Variants in HEATR5A observed in about 807,000 individuals in gnomAD.
HEATR5A encodes HEAT repeat-containing protein 5A.
In HEATR5A, 178 loss-of-function variants were observed where a neutral mutation model predicts 218.8. The observed-to-expected ratio is 0.81, with a 90% confidence interval of 0.72 to 0.92. The LOEUF is 0.92. Among genes scored for constraint, HEATR5A ranks in the 40% least tolerant of loss-of-function variants. The pLI is 0.00. For missense variants in HEATR5A, 2,420 were observed against 2,418.9 expected (o/e 1.00, Z -0.01); for synonymous variants, 864 against 871.6 (o/e 0.99, Z 0.15).
chr14:31,309,399 C>T (rs550653613), intron 28 of HEATR5A, among the ~76,000 whole-genome samples: 17 of 152,270 alleles, frequency 1.1e-4, no homozygotes, highest in Middle Eastern at 3.4e-3. Flanking sequence ...ATCACATATA[C>T]ATATGTACTT....
At chr14:31,404,460 A>T (rs1232560974) in intron 1 of HEATR5A, among the ~76,000 whole-genome samples, 1 of 152,172 alleles carries the variant, frequency 6.6e-6, no homozygotes, top group Non-Finnish European at 1.5e-5. Flanking sequence ...CCTGTTTGAA[A>T]TTACTTAGAA....
At chr14:31,329,295 G>T in intron 22 of HEATR5A, among the ~76,000 whole-genome samples, 1 of 152,102 alleles carries the variant, frequency 6.6e-6, no homozygotes, top group East Asian at 1.9e-4. Flanking sequence ...ATTCATTTCA[G>T]CATTAACTCA....
chr14:31,320,583 TA>T, intron 25 of HEATR5A: 1 of 786,770 alleles, frequency 1.3e-6, no homozygotes, highest in South Asian at 1.3e-5. Flanking sequence ...AGACCCCTGG[TA>T]CAACAGCAGA....
At chr14:31,348,652 T>C (rs1325307010) in intron 18 of HEATR5A, among the ~76,000 whole-genome samples, 4 of 152,190 alleles carry the variant, frequency 2.6e-5, no homozygotes, top group Non-Finnish European at 4.4e-5. Context: ...TGTGTGCTCA[T>C]TTAAGTGGTT....
intron 11 of HEATR5A, among the ~76,000 whole-genome samples, chr14:31,378,322 G>A (rs1033877232): frequency 3.9e-5 from 6 of 152,236 alleles, no homozygotes; most frequent in Non-Finnish European, 7.3e-5. Flanking sequence ...ATGCTGAAAT[G>A]TGACTTTCAC....
chr14:31,401,867 T>C (rs2030890571), intron 2 of HEATR5A, among the ~76,000 whole-genome samples: 2 of 152,212 alleles, frequency 1.3e-5, no homozygotes, highest in South Asian at 2.1e-4. Flanking sequence ...CGTATATAAA[T>C]GTTAATAACA....
At chr14:31,302,824 G>T in intron 32 of HEATR5A, 1 of 293,394 alleles carries the variant, frequency 3.4e-6, no homozygotes, top group South Asian at 4.0e-5. Context: ...CTTTTACTGT[G>T]GTAAAATATA....
chr14:31,387,899 A>G (rs2139284636), intron 7 of HEATR5A, among the ~76,000 whole-genome samples: 1 of 152,126 alleles, frequency 6.6e-6, no homozygotes, highest in Non-Finnish European at 1.5e-5. Context: ...CATTTCTGTT[A>G]CCCTCCTGTT....
chr14:31,309,621 A>C (rs1899671117), intron 28 of HEATR5A, among the ~76,000 whole-genome samples: 1 of 151,932 alleles, frequency 6.6e-6, no homozygotes, highest in Non-Finnish European at 1.5e-5. Flanking sequence ...ATTTTAAAAC[A>C]AAATATGTGT....
chr14:31,309,254 T>C (rs1039217774), intron 28 of HEATR5A, 72 bp from the exon 29 acceptor site: 6 of 1,518,972 alleles, frequency 4.0e-6, no homozygotes, highest in Non-Finnish European at 5.4e-6. Context: ...TGTTACAAGA[T>C]ATAGACCATT....
In HEATR5A at chr14:31,350,654, C is replaced by T. The variant is rs61754155; in HGVS notation, c.2475G>A (p.Val825=). Reference sequence around the variant, plus strand: ...CTGAAGAAACAACATGTAACTGAACCACTTGCTGACGAGCTCCTTTTGTGT... The same window carrying T: ...CTGAAGAAACAACATGTAACTGAACTACTTGCTGACGAGCTCCTTTTGTGT... The part of the protein sequence containing the change: ...IKHTKGARQQ[V]VQLHVVSSVS... Residue 825 remains valine (V), a synonymous_variant, in exon 17 of 36, where the codon GTG becomes GTA. Coordinates refer to ENST00000543095, the MANE Select transcript of HEATR5A (RefSeq NM_015473.4). 1.7e-3 allele frequency: 2,771 copies of T among 1,602,322 alleles called. 33 individuals carry two copies. The African/African-American group carries it at 0.034, about 19-fold the overall frequency.
intron 11 of HEATR5A, among the ~76,000 whole-genome samples, chr14:31,378,477 T>C (rs571729686): frequency 1.3e-5 from 2 of 152,276 alleles, no homozygotes; most frequent in Admixed American, 6.5e-5. Flanking sequence ...GTCCAATAAA[T>C]CTCTTTAATC....
At position 31,304,958 on chromosome 14, in the gene HEATR5A, A is replaced by C. The variant is rs1328649713; in HGVS notation, c.5186T>G (p.Val1729Gly). 1 of 1,613,972 alleles carries C rather than the reference A, an allele frequency of 6.2e-7. No homozygotes were observed. Among genetic ancestry groups the C allele is most frequent in the East Asian group, 2.2e-5 (1 of 44,886 alleles). The change falls in exon 32 of 36, where the codon GTT becomes GGT. Residue 1729 changes from valine to glycine, a missense_variant. Transcript: ENST00000543095. ...GGAAAGGATAACCAATGCAGCTGAA[A>C]CCAATCTACTTCCATCTTCTAATAG... is the stretch of plus-strand genomic sequence containing the variant. ...QILLEDGSRL[V>G]SAALVILSEL...
chr14:31,405,059 C>CA (rs386381028), intron 1 of HEATR5A, among the ~76,000 whole-genome samples: 2,458 of 97,886 alleles, frequency 0.025, 194 homozygotes, highest in African/African-American at 0.092. Flanking sequence ...CTGTCTCCAC[C>CA]AAAAAAAAAA....
intron 13 of HEATR5A, among the ~76,000 whole-genome samples, chr14:31,366,605 T>G (rs1901813149): frequency 6.6e-6 from 1 of 152,222 alleles, no homozygotes; most frequent in Non-Finnish European, 1.5e-5. Context: ...CTGCAGGGCC[T>G]TCCTGCTACT....
At chr14:31,367,618 C>T (rs1167510885) in intron 13 of HEATR5A, among the ~76,000 whole-genome samples, 1 of 136,208 alleles carries the variant, frequency 7.3e-6, no homozygotes, top group African/African-American at 2.8e-5. Context: ...GGGGTCTCAC[C>T]ATGTTGGCCA....
Position 31,312,709 on chromosome 14 carries a change from G to A in HEATR5A, c.4441+259C>T, listed in dbSNP as rs532583608. ...ATTACAGAAGTTTGAGAACAGCCTG[G>A]CAACAAGGCAAAACCCCATCTCTAC... On this transcript the variant is annotated intron_variant, in intron 28 of 35. Coordinates refer to ENST00000543095, the MANE Select transcript of HEATR5A (RefSeq NM_015473.4). Among the ~76,000 whole-genome samples, 3 of 152,120 alleles carry A rather than the reference G, an allele frequency of 2.0e-5. No individual in the cohort carries two copies. The East Asian group carries it at 5.8e-4, about 29-fold the overall frequency.
intron 22 of HEATR5A, among the ~76,000 whole-genome samples, chr14:31,336,375 T>C (rs1472895048): frequency 6.6e-6 from 1 of 151,270 alleles, no homozygotes; most frequent in Non-Finnish European, 1.5e-5. Context: ...ATTACAAGCA[T>C]GAGCTAGTGT....
intron 1 of HEATR5A, among the ~76,000 whole-genome samples, chr14:31,412,305 A>G (rs1268094513): frequency 6.6e-6 from 1 of 152,184 alleles, no homozygotes; most frequent in Non-Finnish European, 1.5e-5. Flanking sequence ...AGATGTAAAT[A>G]AAGAAAAAAG....
Sources: gnomAD v4.1 joint callset for allele counts (sites outside exome capture counted in the v4.1 genomes callset) on GRCh38, gnomAD v4.1.1 for gene constraint, MANE v1.5 for transcripts, NCBI Gene and HGNC (gene_info 2026-07-23, HGNC 2026-07-21) for gene names.